Variants in SHROOM2 observed in about 807,000 individuals in gnomAD.
The protein encoded by SHROOM2 is protein Shroom2.
Under a neutral mutation model 75.9 loss-of-function variants are expected in SHROOM2, and 33 were observed. The observed-to-expected ratio is 0.43, with a 90% CI of 0.33 to 0.58. The LOEUF is 0.58. SHROOM2 is among the 20% of genes least tolerant of loss of function. The pLI is 0.04. For synonymous variants in SHROOM2, 655 were observed against 663.6 expected, an observed-to-expected ratio of 0.99 and a Z score of 0.20; for missense variants, 1,434 against 1,461.2, an observed-to-expected ratio of 0.98 and a Z score of 0.30.
At chrX:9,905,364 T>G (rs2084386090) in intron 5 of SHROOM2, among the ~76,000 whole-genome samples, 1 of 112,886 alleles carries the variant, frequency 8.9e-6, no homozygotes, top group Non-Finnish European at 1.9e-5. Flanking sequence ...TCCCACAAGT[T>G]TTGTGTCTTT....
intron 1 of SHROOM2, among the ~76,000 whole-genome samples, chrX:9,851,236 T>C (rs918688557): frequency 9.0e-6 from 1 of 110,978 alleles, no homozygotes; most frequent in African/African-American, 3.3e-5. Context: ...CTTGAACTCA[T>C]GGCGTCAAGC....
intron 5 of SHROOM2, among the ~76,000 whole-genome samples, chrX:9,909,634 C>T (rs1195731141): frequency 8.9e-6 from 1 of 112,257 alleles, no homozygotes; most frequent in Admixed American, 9.4e-5. Flanking sequence ...CTTCCATGGT[C>T]TCTCTCCCAG....
intron 1 of SHROOM2, among the ~76,000 whole-genome samples, chrX:9,857,335 T>C (rs2084076888): frequency 9.0e-6 from 1 of 111,262 alleles, no homozygotes; most frequent in Non-Finnish European, 1.9e-5. Flanking sequence ...TTGGACATGA[T>C]TTTAGGGGGA....
intron 1 of SHROOM2, among the ~76,000 whole-genome samples, chrX:9,873,003 C>T (rs1321844144): frequency 8.9e-6 from 1 of 112,345 alleles, no homozygotes; most frequent in Admixed American, 9.4e-5. Flanking sequence ...TAGAAAGCAT[C>T]GTGCTAAGTG....
intron 4 of SHROOM2, among the ~76,000 whole-genome samples, chrX:9,897,697 A>T (rs2084341568): frequency 9.1e-6 from 1 of 109,470 alleles, no homozygotes; most frequent in Non-Finnish European, 1.9e-5. Flanking sequence ...AAAAAAAAAA[A>T]AAAGAACCAC....
chrX:9,936,825 A>G (rs2084713333), intron 6 of SHROOM2, among the ~76,000 whole-genome samples: 1 of 112,239 alleles, frequency 8.9e-6, no homozygotes, highest in African/African-American at 3.2e-5. Context: ...GGAATGACAA[A>G]TGGTATTAAA....
chrX:9,793,348 G>A (rs1328315051), intron 1 of SHROOM2, among the ~76,000 whole-genome samples: 1 of 108,438 alleles, frequency 9.2e-6, no homozygotes, highest in African/African-American at 3.4e-5. Context: ...AGAGTGCAAT[G>A]GCATGATCTC....
rs755106032 is a variant in SHROOM2 at position 9,935,012 on chromosome X, A to G, written c.3588-2122A>G. On this transcript the variant is annotated intron_variant, in intron 6 of 9. Transcript: ENST00000380913. The stretch of plus-strand genomic sequence containing the variant: ...GGTCTCAAACTCCTGACCTCAGGTG[A>G]TCTGTCTGCTTCAGCCTCCCAAAGA... Among the ~76,000 whole-genome samples the G allele has an allele frequency of 6.3e-5, 7 of 111,283 alleles. No individual in the cohort carries two copies. The South Asian group carries it at 2.7e-3, about 42-fold the overall frequency.
intron 1 of SHROOM2, among the ~76,000 whole-genome samples, chrX:9,823,836 G>A (rs1377749024): frequency 1.0e-5 from 1 of 96,801 alleles, no homozygotes; most frequent in Non-Finnish European, 2.0e-5. Flanking sequence ...ACAGCTCACT[G>A]CAACCTCCAC....
At chrX:9,822,886 A>G (rs2083860403) in intron 1 of SHROOM2, among the ~76,000 whole-genome samples, 1 of 112,104 alleles carries the variant, frequency 8.9e-6, no homozygotes, top group Non-Finnish European at 1.9e-5. Flanking sequence ...ACTCCCAGCA[A>G]ACACTGGCAG....
At chrX:9,802,885 C>T (rs192725981) in intron 1 of SHROOM2, among the ~76,000 whole-genome samples, 2 of 108,224 alleles carry the variant, frequency 1.8e-5, no homozygotes, top group Non-Finnish European at 3.8e-5. Context: ...AGTCAGGATC[C>T]CTGAAGTCTC....
chrX:9,889,272 G>A (rs1045762652), intron 2 of SHROOM2, among the ~76,000 whole-genome samples: 2 of 112,417 alleles, frequency 1.8e-5, no homozygotes, highest in African/African-American at 6.5e-5. Context: ...CTGAGTCATC[G>A]AAAGGTTTGT....
At chrX:9,829,855 G>A (rs2083906394) in intron 1 of SHROOM2, among the ~76,000 whole-genome samples, 1 of 112,182 alleles carries the variant, frequency 8.9e-6, no homozygotes, top group South Asian at 3.7e-4. Context: ...ATGCTTTCAG[G>A]ATGAGAAAAC....
chrX:9,915,148 T>C (rs2084478196), intron 5 of SHROOM2, among the ~76,000 whole-genome samples: 1 of 112,006 alleles, frequency 8.9e-6, no homozygotes, highest in Non-Finnish European at 1.9e-5. Context: ...ATTATTTATT[T>C]TTTATGTTTA....
intron 2 of SHROOM2, among the ~76,000 whole-genome samples, chrX:9,878,424 G>A (rs1182591669): frequency 2.7e-5 from 3 of 112,332 alleles, no homozygotes; most frequent in Non-Finnish European, 5.6e-5. Context: ...AAGGGTTTGC[G>A]AGACCATGTG....
In SHROOM2 at chrX:9,834,117, G is replaced by A. The variant is rs149578103; in HGVS notation, c.166-39535G>A. 6.2e-3 allele frequency among the ~76,000 whole-genome samples: 702 copies of A among 112,396 alleles called. 11 individuals carry two copies. The highest frequency in any genetic ancestry group is 0.046 in the East Asian group (163 of 3,548). ...TTTGTGGGTGGAGAGCAGGGATGCT[G>A]CTCAACATCTGCCAGTGCGCAAGAT... On this transcript the variant is annotated intron_variant, in intron 1 of 9. Coordinates refer to ENST00000380913, the MANE Select transcript of SHROOM2 (RefSeq NM_001649.4).
At chrX:9,886,582 A>G (rs2084262085) in intron 2 of SHROOM2, among the ~76,000 whole-genome samples, 1 of 111,812 alleles carries the variant, frequency 8.9e-6, no homozygotes, top group African/African-American at 3.3e-5. Flanking sequence ...CTCTATATGC[A>G]TTAAACAGCA....
chrX:9,883,852 G>T (rs751562662), intron 2 of SHROOM2, among the ~76,000 whole-genome samples: 1 of 110,983 alleles, frequency 9.0e-6, no homozygotes, highest in African/African-American at 3.3e-5. Context: ...GTGAGCAATT[G>T]CCAGGTAAAT....
chrX:9,826,032 C>T (rs1379396463), intron 1 of SHROOM2, among the ~76,000 whole-genome samples: 7 of 112,414 alleles, frequency 6.2e-5, no homozygotes, highest in Non-Finnish European at 1.9e-5. Context: ...CCTGGGCCTC[C>T]GCCTCCTGCA....
Sources: gnomAD v4.1 joint callset for allele counts (sites outside exome capture counted in the v4.1 genomes callset) on GRCh38, gnomAD v4.1.1 for gene constraint, MANE v1.5 for transcripts, NCBI Gene and HGNC (gene_info 2026-07-23, HGNC 2026-07-21) for gene names.